Variants in PPP6R1 observed in about 807,000 individuals in gnomAD.
PPP6R1 encodes the protein serine/threonine-protein phosphatase 6 regulatory subunit 1.
Under a neutral mutation model 104.6 loss-of-function variants are expected in PPP6R1, and 39 were observed. The observed-to-expected ratio is 0.37, with a 90% confidence interval of 0.29 to 0.49. The LOEUF (loss-of-function observed/expected upper bound fraction) is 0.49, where lower values mean the gene tolerates loss of function less well. Ranked by LOEUF, PPP6R1 falls within the 20% of genes least tolerant of loss-of-function variation. The pLI is 0.98. For missense variants in PPP6R1, 1,181 were observed against 1,155.8 expected, an observed-to-expected ratio of 1.02 and a Z score of -0.32; for synonymous variants, 549 against 479.0, an observed-to-expected ratio of 1.15 and a Z score of -1.91.
intron 1 of PPP6R1, among the ~76,000 whole-genome samples, chr19:55,256,968 TC>T (rs2087598158): frequency 6.6e-6 from 1 of 151,454 alleles, no homozygotes; most frequent in African/African-American, 2.4e-5. Flanking sequence ...GAACAACTTG[TC>T]CAAGGTCTCG....
downstream of PPP6R1, chr19:55,228,698 G>A (rs751701933): frequency 3.7e-6 from 6 of 1,612,934 alleles, no homozygotes; most frequent in South Asian, 3.3e-5. Flanking sequence ...CACCTGGGCT[G>A]AGCAGTGAGT....
chr19:55,238,929 G>C (rs62126343), intron 15 of PPP6R1: 1 of 163,988 alleles, frequency 6.1e-6, no homozygotes, highest in South Asian at 1.6e-4. Flanking sequence ...ATTGGTAATT[G>C]GAAAAAAAAA....
chr19:55,232,345 G>T, intron 17 of PPP6R1, 134 bp from the exon 18 acceptor site: 1 of 1,365,262 alleles, frequency 7.3e-7, no homozygotes, highest in Non-Finnish European at 9.6e-7. Flanking sequence ...GGTCCAGGGA[G>T]CCTGGGGTGT....
chr19:55,242,032 GGGA>G, intron 7 of PPP6R1, 131 bp downstream of exon 7: 1 of 809,510 alleles, frequency 1.2e-6, no homozygotes, highest in Non-Finnish European at 2.0e-6. Context: ...CCACTGTGCA[GGGA>G]GCACAGGCAG....
chr19:55,250,733 C>T (rs1434320815), intron 1 of PPP6R1, among the ~76,000 whole-genome samples: 3 of 152,160 alleles, frequency 2.0e-5, no homozygotes, highest in East Asian at 3.9e-4. Context: ...AATCTAGGGA[C>T]TTATCAGGCC....
Position 55,230,342 on chromosome 19 carries a change from C to A in PPP6R1, c.*186G>T. 2.7e-6 allele frequency: 2 copies of A among 752,136 alleles called. No homozygotes were observed. Among genetic ancestry groups the A allele is most frequent in the Non-Finnish European group, 4.3e-6 (2 of 468,148 alleles). The allele number at this position is 752,136 out of a possible 1,614,324, so 46.6% of individuals were successfully genotyped here. ...GAGGCAACGCTCCAAAACTTCTCTT[C>A]TCAGTGCAAATGGGGGTGGGTTGGG... On this transcript the variant is annotated 3_prime_UTR_variant, in exon 24 of 24. Transcript: ENST00000412770.
In PPP6R1 at chr19:55,231,891, A is replaced by G; in HGVS notation, c.2217T>C (p.Pro739=). ...VSGEEELHTG[P]PAPQGPLSVP... ...CACTGAGGGGCCCCTGTGGGGCTGG[A>G]GGCCCAGTGTGCAGCTCTTCCTCCC... is the stretch of plus-strand genomic sequence containing the variant. Residue 739 remains proline (P), a synonymous_variant, in exon 19 of 24, where the codon CCT becomes CCC. Transcript: ENST00000412770. 6.6e-7 allele frequency: 1 copy of G among 1,513,944 alleles called. No homozygotes were observed. The highest frequency in any genetic ancestry group is 8.9e-7 in the Non-Finnish European group (1 of 1,129,796). The allele number at this position is 1,513,944 out of a possible 1,614,324, so 93.8% of individuals were successfully genotyped here. A position where few individuals can be genotyped will look rare whatever the true frequency, so the allele number is the denominator to read the frequency against.
At position 55,245,025 on chromosome 19, in the gene PPP6R1, A is replaced by G; in HGVS notation, c.618+95T>C. On this transcript the variant is annotated intron_variant, in intron 5 of 23. Coordinates refer to ENST00000412770, the MANE Select transcript of PPP6R1 (RefSeq NM_014931.4). This position sits in a 1 kb window ranked among gnomAD's most constrained non-coding sequence, Gnocchi z 6.4. The stretch of plus-strand genomic sequence containing the variant: ...AGTGCTGGAATTACAGGCGTGAGCC[A>G]CTGCGTCCAGCCCCAATTCCTCTTT... 6.6e-7 allele frequency: 1 copy of G among 1,522,234 alleles called. No individual in the cohort carries two copies. The highest frequency in any genetic ancestry group is 1.2e-5 in the South Asian group (1 of 83,708). The allele number at this position is 1,522,234 out of a possible 1,614,324, so 94.3% of individuals were successfully genotyped here.
chr19:55,253,096 T>G (rs1361443767), intron 1 of PPP6R1, among the ~76,000 whole-genome samples: 1 of 152,162 alleles, frequency 6.6e-6, no homozygotes, highest in Non-Finnish European at 1.5e-5. Flanking sequence ...CTAAGCTAAG[T>G]GAGCCCCTCC....
intron 5 of PPP6R1, 139 bp downstream of exon 5, chr19:55,244,981 T>G: frequency 2.3e-6 from 3 of 1,297,178 alleles, no homozygotes; most frequent in Non-Finnish European, 3.2e-6. Flanking sequence ...CAAGTAATCC[T>G]CCCACCTCGC....
rs376397848 is a variant in PPP6R1 at position 55,242,285 on chromosome 19, G to A, written c.732-6C>T. 180 of 1,613,164 alleles carry A rather than the reference G, an allele frequency of 1.1e-4. No homozygotes were observed. Among genetic ancestry groups the A allele is most frequent in the Non-Finnish European group, 1.1e-4 (129 of 1,179,326 alleles). On this transcript the variant is annotated splice_region_variant and splice_polypyrimidine_tract_variant and intron_variant, in intron 6 of 23. Coordinates refer to ENST00000412770, the MANE Select transcript of PPP6R1 (RefSeq NM_014931.4). ...GCTGCTCAATCGTCTCCTGCCTGCG[G>A]GGGCAGGGGCAGGGGTCAGGGTGAG...
intron 1 of PPP6R1, chr19:55,247,482 T>G: frequency 4.5e-6 from 1 of 222,024 alleles, no homozygotes; most frequent in Non-Finnish European, 9.0e-6. Flanking sequence ...GGCTGGACCC[T>G]GTGCACTGAG....
Position 55,235,604 on chromosome 19 carries a change from C to T in PPP6R1, c.1988+1039G>A, listed in dbSNP as rs369091153. On this transcript the variant is annotated intron_variant, in intron 17 of 23. Transcript: ENST00000412770. ...CGCAATCTTGGCTCACTGCAAGCTC[C>T]GCCTTCCGGGTTCACGCCATTCTCC... 2.4e-3 allele frequency among the ~76,000 whole-genome samples: 370 copies of T among 151,760 alleles called. 4 individuals carry two copies. Among genetic ancestry groups the T allele is most frequent in the African/African-American group, 8.5e-3 (353 of 41,358 alleles).
intron 1 of PPP6R1, among the ~76,000 whole-genome samples, chr19:55,253,508 G>A (rs537269347): frequency 2.6e-5 from 4 of 152,292 alleles, no homozygotes; most frequent in East Asian, 1.9e-4. Context: ...AGAATGAGAC[G>A]GGAGGGTGCT....
At chr19:55,235,455 C>T (rs944397299) in intron 17 of PPP6R1, among the ~76,000 whole-genome samples, 1 of 151,894 alleles carries the variant, frequency 6.6e-6, no homozygotes, top group Non-Finnish European at 1.5e-5. Context: ...CAGGACCTGC[C>T]TATTTTTTCA....
In PPP6R1 at chr19:55,232,172, C is replaced by G; in HGVS notation, c.2028G>C (p.Glu676Asp). The G allele has an allele frequency of 6.4e-6, 10 of 1,568,194 alleles. No individual in the cohort carries two copies. The highest frequency in any genetic ancestry group is 2.4e-5 in the East Asian group (1 of 42,444). ...CCTCGTCTTCCTCCTCCTCCTCGTC[C>G]TCCTCTTCTTCGTCCTCACTGTCTG... ...GSTDSEDEEE[E>D]DEEEEEDEEG... is the part of the protein sequence containing the mutation. Residue 676 changes from glutamate to aspartate, a missense_variant, in exon 18 of 24, where the codon GAG becomes GAC. Transcript: ENST00000412770.
At chr19:55,258,210 T>G (rs2087609380) in intron 1 of PPP6R1, among the ~76,000 whole-genome samples, 1 of 151,464 alleles carries the variant, frequency 6.6e-6, no homozygotes, top group African/African-American at 2.4e-5. Flanking sequence ...AGACTGAGAC[T>G]AGGGTGGCGG....
chr19:55,238,394 C>T (rs555458979), intron 15 of PPP6R1, among the ~76,000 whole-genome samples: 3 of 152,286 alleles, frequency 2.0e-5, no homozygotes, highest in Admixed American at 6.5e-5. Flanking sequence ...GTGTCCCTTA[C>T]GCTGTGCTGT....
downstream of PPP6R1, chr19:55,228,767 C>T: frequency 6.2e-7 from 1 of 1,611,480 alleles, no homozygotes; most frequent in Non-Finnish European, 8.5e-7. Flanking sequence ...CCAGAGCGAC[C>T]TAATCTGGGA....
Sources: gnomAD v4.1 joint callset for allele counts (sites outside exome capture counted in the v4.1 genomes callset) on GRCh38, gnomAD v4.1.1 for gene constraint, Gnocchi (gnomAD v3.1) non-coding constraint, MANE v1.5 for transcripts, NCBI Gene and HGNC (gene_info 2026-07-23, HGNC 2026-07-21) for gene names.